PABPC4L: variants seen among roughly 807,000 people sequenced by gnomAD.
PABPC4L encodes poly(A) binding protein cytoplasmic 4 like, also known as polyadenylate-binding protein 4-like.
For missense variants in PABPC4L, 452 were observed against 451.4 expected (o/e 1.00, Z -0.01); for synonymous variants, 169 against 164.1 (o/e 1.03, Z -0.23).
At chr4:134,157,720 G>C in the PABPC4L span, among the ~76,000 whole-genome samples, 1 of 151,870 alleles carries the variant, frequency 6.6e-6, no homozygotes, top group Admixed American at 6.6e-5. Flanking sequence ...CATTTGAGTA[G>C]TACATATCAG....
chr4:133,990,051 G>C, the PABPC4L span, among the ~76,000 whole-genome samples: 2 of 151,994 alleles, frequency 1.3e-5, no homozygotes, highest in Non-Finnish European at 2.9e-5. Context: ...CCTCCCACCA[G>C]GTCTCTCTCA....
the PABPC4L span, among the ~76,000 whole-genome samples, chr4:134,149,406 T>C: frequency 6.6e-6 from 1 of 152,180 alleles, no homozygotes; most frequent in African/African-American, 2.4e-5. Flanking sequence ...GGCATGTGTC[T>C]AGCACATTGA....
the PABPC4L span, among the ~76,000 whole-genome samples, chr4:134,164,307 A>G: frequency 6.3e-3 from 941 of 150,078 alleles, 10 homozygotes; most frequent in African/African-American, 0.021. Flanking sequence ...AGTCCTGGCT[A>G]GAGCAATCAG....
At chr4:134,055,456 C>T in the PABPC4L span, among the ~76,000 whole-genome samples, 1 of 148,432 alleles carries the variant, frequency 6.7e-6, no homozygotes, top group Non-Finnish European at 1.5e-5. Flanking sequence ...GAAAGAAAGG[C>T]CTCTCTAGCA....
chr4:133,966,269 T>C, the PABPC4L span, among the ~76,000 whole-genome samples: 1 of 152,268 alleles, frequency 6.6e-6, no homozygotes, highest in African/African-American at 2.4e-5. Context: ...TGATACCACA[T>C]TACTTCTGTA....
chr4:133,975,561 C>A, the PABPC4L span, among the ~76,000 whole-genome samples: 1 of 152,150 alleles, frequency 6.6e-6, no homozygotes, highest in Non-Finnish European at 1.5e-5. Flanking sequence ...AAAACACATT[C>A]TTTGGTAAAG....
At chr4:134,141,384 A>AG in the PABPC4L span, among the ~76,000 whole-genome samples, 1 of 151,470 alleles carries the variant, frequency 6.6e-6, no homozygotes, top group African/African-American at 2.4e-5. Context: ...GAAAAAAAAA[A>AG]GTATGCTTCC....
At chr4:134,183,560 G>A in the PABPC4L span, among the ~76,000 whole-genome samples, 1 of 151,002 alleles carries the variant, frequency 6.6e-6, no homozygotes, top group African/African-American at 2.4e-5. Flanking sequence ...AAACCCCTGA[G>A]ACACAAAATT....
At chr4:134,071,121 A>G in the PABPC4L span, among the ~76,000 whole-genome samples, 1 of 152,092 alleles carries the variant, frequency 6.6e-6, no homozygotes, top group Non-Finnish European at 1.5e-5. Context: ...TGCTGCCAGG[A>G]TTCTGGAGGT....
chr4:134,113,309 T>G, the PABPC4L span, among the ~76,000 whole-genome samples: 1 of 151,990 alleles, frequency 6.6e-6, no homozygotes, highest in Non-Finnish European at 1.5e-5. Context: ...ACTCACTGAC[T>G]CACCAGAGAA....
the PABPC4L span, among the ~76,000 whole-genome samples, chr4:134,132,987 A>C: frequency 2.9e-3 from 393 of 137,582 alleles, 1 homozygote; most frequent in Non-Finnish European, 4.9e-3. Context: ...GTATATAATT[A>C]ATATATATGA....
At chr4:134,027,266 C>T in the PABPC4L span, among the ~76,000 whole-genome samples, 427 of 152,158 alleles carry the variant, frequency 2.8e-3, 4 homozygotes, top group African/African-American at 9.7e-3. Context: ...GATTGCAATC[C>T]TGTGATGGCA....
the PABPC4L span, among the ~76,000 whole-genome samples, chr4:134,085,231 T>G: frequency 1.3e-5 from 2 of 152,070 alleles, no homozygotes; most frequent in Admixed American, 1.3e-4. Context: ...CCTGTCTCTA[T>G]CACTGTTTTC....
the PABPC4L span, among the ~76,000 whole-genome samples, chr4:134,054,246 GTATATGTATATATATATATATA>G: frequency 1.4e-5 from 1 of 74,064 alleles, no homozygotes; most frequent in Non-Finnish European, 2.5e-5. Flanking sequence ...TACTTTAGTT[GTATATGTATATATATATATATA>G]TATATATATA....
the PABPC4L span, among the ~76,000 whole-genome samples, chr4:134,066,491 A>G: frequency 6.6e-6 from 1 of 151,984 alleles, no homozygotes; most frequent in African/African-American, 2.4e-5. Flanking sequence ...CTGGAAGCAG[A>G]ATAGTTTGAC....
the PABPC4L span, among the ~76,000 whole-genome samples, chr4:134,044,744 T>G: frequency 6.6e-6 from 1 of 152,208 alleles, no homozygotes; most frequent in Non-Finnish European, 1.5e-5. Context: ...TATCAAATAT[T>G]TTCAACATAT....
the PABPC4L span, among the ~76,000 whole-genome samples, chr4:134,039,804 G>A: frequency 6.6e-6 from 1 of 151,742 alleles, no homozygotes; most frequent in Non-Finnish European, 1.5e-5. Flanking sequence ...TTTAAATGGG[G>A]TATTTAGCCC....
chr4:134,168,434 G>T, the PABPC4L span, among the ~76,000 whole-genome samples: 6 of 151,508 alleles, frequency 4.0e-5, no homozygotes, highest in Admixed American at 3.9e-4. Flanking sequence ...AGAAATAAAT[G>T]AAATTGAGAC....
the PABPC4L span, among the ~76,000 whole-genome samples, chr4:134,026,385 A>G: frequency 6.6e-6 from 1 of 151,960 alleles, no homozygotes; most frequent in Non-Finnish European, 1.5e-5. Context: ...ACAGGTGCAC[A>G]CCACCACATC....
Sources: gnomAD v4.1 joint callset for allele counts (sites outside exome capture counted in the v4.1 genomes callset) on GRCh38, gnomAD v4.1.1 for gene constraint, MANE v1.5 for transcripts, NCBI Gene and HGNC (gene_info 2026-07-23, HGNC 2026-07-21) for gene names.